Variants in NLK observed in about 807,000 individuals in gnomAD.
NLK encodes the protein nemo like kinase, also known as serine/threonine-protein kinase NLK.
In NLK, 11 loss-of-function variants were observed where a neutral mutation model predicts 59.0. The ratio of observed to expected loss-of-function variants is 0.19; its 90% CI spans 0.12 to 0.31. The LOEUF is 0.31. NLK is among the 10% of genes least tolerant of loss of function. The pLI is 1.00. For synonymous variants in NLK, 235 were observed against 235.9 expected (o/e 1.00, Z 0.03); for missense variants, 410 against 661.1 (o/e 0.62, Z 4.16).
intron 1 of NLK, among the ~76,000 whole-genome samples, chr17:28,095,617 G>T (rs1307610096): frequency 3.3e-5 from 5 of 152,134 alleles, no homozygotes; most frequent in Non-Finnish European, 7.4e-5. Flanking sequence ...TACTGATGCA[G>T]ATTATCCTAT....
At chr17:28,044,313 C>T (rs1165833570) in intron 1 of NLK, among the ~76,000 whole-genome samples, 2 of 152,096 alleles carry the variant, frequency 1.3e-5, no homozygotes, top group African/African-American at 4.8e-5. Context: ...ATTGTTACTC[C>T]CGAGAAAAGC....
At chr17:28,186,766 C>A (rs1044427242) in intron 8 of NLK, among the ~76,000 whole-genome samples, 1 of 152,168 alleles carries the variant, frequency 6.6e-6, no homozygotes, top group Non-Finnish European at 1.5e-5. Flanking sequence ...CCTCCTAGGT[C>A]CCTCCCGTAG....
intron 1 of NLK, among the ~76,000 whole-genome samples, chr17:28,077,512 C>G (rs150464550): frequency 6.6e-6 from 1 of 152,156 alleles, no homozygotes; most frequent in East Asian, 1.9e-4. Context: ...GGTGGGGACA[C>G]AGCCAAACCA....
intron 1 of NLK, among the ~76,000 whole-genome samples, chr17:28,068,691 T>A (rs900052069): frequency 6.6e-6 from 1 of 152,202 alleles, no homozygotes; most frequent in Admixed American, 6.5e-5. Context: ...ATTTTTTCTA[T>A]TTTTTAGAGA....
chr17:28,121,391 GAAA>G (rs11308814), intron 1 of NLK, among the ~76,000 whole-genome samples: 1 of 141,364 alleles, frequency 7.1e-6, no homozygotes, highest in Non-Finnish European at 1.5e-5. Flanking sequence ...TAGAAGGGGG[GAAA>G]AAAAAAAAAA....
At chr17:28,105,610 T>A (rs1444339671) in intron 1 of NLK, among the ~76,000 whole-genome samples, 2 of 152,206 alleles carry the variant, frequency 1.3e-5, no homozygotes, top group African/African-American at 4.8e-5. Flanking sequence ...AAAAAGTAAG[T>A]TTCATTCATC....
Position 28,077,942 on chromosome 17 carries a change from G to C in NLK, c.458+34611G>C, listed in dbSNP as rs189594683. On this transcript the variant is annotated intron_variant, in intron 1 of 10. Transcript: ENST00000407008. ...ACAGAAAGTTCTGCTTCTTTCTCAA[G>C]CATGTTATAGTTATAGGAAAATATG... Among the ~76,000 whole-genome samples the C allele has an allele frequency of 5.3e-5, 8 of 151,974 alleles. No homozygotes were observed. In the East Asian group the frequency reaches 1.4e-3, roughly 26 times the overall value.
chr17:28,199,797 T>G (rs1597733431), downstream of NLK, among the ~76,000 whole-genome samples: 1 of 150,630 alleles, frequency 6.6e-6, no homozygotes, highest in South Asian at 2.1e-4. Flanking sequence ...GTGCTGGCCA[T>G]GGAGATTATC....
intron 1 of NLK, among the ~76,000 whole-genome samples, chr17:28,097,737 T>G: frequency 6.6e-6 from 1 of 152,206 alleles, no homozygotes. Flanking sequence ...TTGTACATTT[T>G]CAGTGTCTTC....
chr17:28,076,773 G>T (rs1168689545), intron 1 of NLK, among the ~76,000 whole-genome samples: 1 of 152,102 alleles, frequency 6.6e-6, no homozygotes, highest in Non-Finnish European at 1.5e-5. Context: ...GGAGTAGAGA[G>T]GGTTAGTATC....
chr17:28,044,225 A>G (rs1274910288), intron 1 of NLK, among the ~76,000 whole-genome samples: 1 of 152,250 alleles, frequency 6.6e-6, no homozygotes, highest in Non-Finnish European at 1.5e-5. Context: ...TATCAAAACT[A>G]GAATGAACTG....
At chr17:28,107,264 G>A (rs1216177240) in intron 1 of NLK, among the ~76,000 whole-genome samples, 1 of 151,784 alleles carries the variant, frequency 6.6e-6, no homozygotes, top group African/African-American at 2.4e-5. Flanking sequence ...TGAGACCCCC[G>A]TCTCTACTAA....
At chr17:28,114,645 C>A (rs1390185827) in intron 1 of NLK, among the ~76,000 whole-genome samples, 1 of 152,152 alleles carries the variant, frequency 6.6e-6, no homozygotes, top group Non-Finnish European at 1.5e-5. Context: ...ATATCATATT[C>A]TTCTATACGT....
chr17:28,161,121 A>G (rs1416794663), intron 3 of NLK, 39 bp from the exon 4 acceptor site: 1 of 1,088,376 alleles, frequency 9.2e-7, no homozygotes, highest in South Asian at 1.3e-5. Context: ...GGGGTAGGGG[A>G]CTGAATTCGC....
At chr17:28,126,640 G>A (rs1431231674) in intron 2 of NLK, among the ~76,000 whole-genome samples, 2 of 152,138 alleles carry the variant, frequency 1.3e-5, no homozygotes, top group Non-Finnish European at 1.5e-5. Flanking sequence ...AACCTTCAAA[G>A]TCACTGTATC....
intron 1 of NLK, among the ~76,000 whole-genome samples, chr17:28,049,404 A>G (rs190926710): frequency 9.8e-5 from 15 of 152,356 alleles, no homozygotes; most frequent in Admixed American, 4.6e-4. Flanking sequence ...ACTAGTCTAT[A>G]TATTTTTATT....
chr17:28,056,947 CTTTTTTTTT>C (rs934652705), intron 1 of NLK, among the ~76,000 whole-genome samples: 9 of 86,870 alleles, frequency 1.0e-4, no homozygotes, highest in Non-Finnish European at 1.5e-4. Flanking sequence ...CATTACCTAC[CTTTTTTTTT>C]TTTTTTTTTT....
rs1262865404 is a variant in NLK at position 28,195,899 on chromosome 17, A to T, written c.*1263A>T. On this transcript the variant is annotated 3_prime_UTR_variant, in exon 11 of 11. Coordinates refer to ENST00000407008, the MANE Select transcript of NLK (RefSeq NM_016231.5). ...AAATAAAAAGACAAGAAAATTGAAG[A>T]TCATTTTTCACCTGTACAAGGAATA... 2 of 152,544 alleles carry T rather than the reference A, an allele frequency of 1.3e-5. No individual in the cohort carries two copies. Among genetic ancestry groups the T allele is most frequent in the East Asian group, 3.8e-4 (2 of 5,200 alleles). The allele number at this position is 152,544 out of a possible 1,614,324, so 9.4% of individuals were successfully genotyped here. A position where few individuals can be genotyped will look rare whatever the true frequency, so the allele number is the denominator to read the frequency against.
At chr17:28,091,477 A>AT (rs940148249) in intron 1 of NLK, among the ~76,000 whole-genome samples, 1 of 144,262 alleles carries the variant, frequency 6.9e-6, no homozygotes, top group South Asian at 2.1e-4. Context: ...AATTATATTT[A>AT]TATATATATA....
Sources: gnomAD v4.1 joint callset for allele counts (sites outside exome capture counted in the v4.1 genomes callset) on GRCh38, gnomAD v4.1.1 for gene constraint, MANE v1.5 for transcripts, NCBI Gene and HGNC (gene_info 2026-07-23, HGNC 2026-07-21) for gene names.